The following XPO5 variants were observed in gnomAD, a reference collection of about 807,000 sequenced individuals.
XPO5 encodes the protein exportin 5.
A neutral mutation model predicts 160.6 loss-of-function variants in XPO5; 46 were observed. The observed-to-expected ratio is 0.29, with a 90% CI of 0.23 to 0.37. The LOEUF is 0.37. XPO5 is among the 10% of genes least tolerant of loss of function. XPO5 has a pLI of 1.00. For missense variants in XPO5, 1,090 were observed against 1,463.9 expected, an observed-to-expected ratio of 0.74 and a Z score of 4.17; for synonymous variants, 537 against 519.3, an observed-to-expected ratio of 1.03 and a Z score of -0.46.
chr6:43,539,384 A>G, intron 20 of XPO5: 2 of 1,578,994 alleles, frequency 1.3e-6, no homozygotes, highest in Non-Finnish European at 1.7e-6. Context: ...CATAATCTTC[A>G]AAACCTCATC....
intron 20 of XPO5, chr6:43,539,591 C>G: frequency 4.4e-6 from 6 of 1,372,570 alleles, no homozygotes; most frequent in Non-Finnish European, 6.1e-6. Flanking sequence ...TCCACGGCTG[C>G]GACCCCGGCC....
intron 20 of XPO5, among the ~76,000 whole-genome samples, chr6:43,545,900 T>A (rs1246302509): frequency 6.6e-6 from 1 of 152,200 alleles, no homozygotes; most frequent in African/African-American, 2.4e-5. Context: ...TCATGTGATC[T>A]AAAACAGTGA....
intron 12 of XPO5, 27 bp from the exon 13 acceptor site, chr6:43,555,991 G>A (rs1447595323): frequency 6.2e-7 from 1 of 1,611,818 alleles, no homozygotes; most frequent in African/African-American, 1.3e-5. Flanking sequence ...CCAAGGGAAG[G>A]ACAGGAATCA....
Position 43,547,670 on chromosome 6 carries a change from C to T in XPO5, c.2098G>A (p.Gly700Ser). The T allele has an allele frequency of 1.2e-6, 2 of 1,613,982 alleles. No individual in the cohort carries two copies. The highest frequency in any genetic ancestry group is 1.7e-6 in the Non-Finnish European group (2 of 1,179,880). The change falls in exon 19 of 32, where the codon GGT becomes AGT. Residue 700 changes from glycine (G) to serine (S), a missense_variant. Coordinates refer to ENST00000265351, the MANE Select transcript of XPO5 (RefSeq NM_020750.3). ...SDVDAFIAYV[G>S]TDQKSCDPGL... is the part of the protein sequence containing the mutation. Reference sequence around the variant, plus strand: ...GGGTCACAGCTCTTCTGATCTGTACCCACATACGCAATGAAAGCATCAACA... The same window carrying T: ...GGGTCACAGCTCTTCTGATCTGTACTCACATACGCAATGAAAGCATCAACA...
chr6:43,550,230 T>G (rs1312749372), intron 15 of XPO5, among the ~76,000 whole-genome samples: 1 of 152,222 alleles, frequency 6.6e-6, no homozygotes, highest in African/African-American at 2.4e-5. Context: ...TCTTCTTTTA[T>G]CAAAAGTTGT....
chr6:43,554,841 T>G (rs954398156), intron 13 of XPO5: 1 of 152,188 alleles, frequency 6.6e-6, no homozygotes, highest in African/African-American at 2.4e-5. Flanking sequence ...TCAGAGAATT[T>G]AGAGTCAATT....
At position 43,562,401 on chromosome 6, in the gene XPO5, A is replaced by G. The variant is rs1395141340; in HGVS notation, c.912-55T>C. The G allele has an allele frequency of 7.0e-6, 9 of 1,284,304 alleles. No individual in the cohort carries two copies. The African/African-American group carries it at 1.3e-4, about 19-fold the overall frequency. 79.6% of individuals were successfully genotyped at this position (1,284,304 alleles called of 1,614,324 possible). On this transcript the variant is annotated intron_variant, in intron 8 of 31. Transcript: ENST00000265351. ...ACAAAATTAAAAAGGCTGTAATAAA[A>G]ACATCACTTTGTGTCTCATTTCTCC...
chr6:43,563,079 C>T (rs957273555), intron 8 of XPO5, among the ~76,000 whole-genome samples: 8 of 151,188 alleles, frequency 5.3e-5, no homozygotes, highest in African/African-American at 2.0e-4. Flanking sequence ...ATATATAGTT[C>T]TGCCTGACTT....
At chr6:43,571,766 C>T (rs62402421) in intron 3 of XPO5, among the ~76,000 whole-genome samples, 8,508 of 151,488 alleles carry the variant, frequency 0.056, 345 homozygotes, top group Non-Finnish European at 0.077. Context: ...TATGATCATG[C>T]TAATGCAATC....
At position 43,524,475 on chromosome 6, in the gene XPO5, A is replaced by G; in HGVS notation, c.3473T>C (p.Ile1158Thr). 1.2e-6 allele frequency: 2 copies of G among 1,613,384 alleles called. No homozygotes were observed. Among genetic ancestry groups the G allele is most frequent in the Non-Finnish European group, 1.7e-6 (2 of 1,179,834 alleles). The stretch of plus-strand genomic sequence containing the variant: ...TATTGAAGGTGCATGACCTACCCCA[A>G]TGCAACCAGCAATGAGGCGTTTGAA... ...DQFKRLIAGCIGKPLGEQFRK... is the reference protein window; with the variant it reads ...DQFKRLIAGCTGKPLGEQFRK... Residue 1158 changes from isoleucine to threonine, a missense_variant, in exon 31 of 32, where the codon ATT becomes ACT. Physicochemically the swap from Ile to Thr is moderately conservative, Grantham distance 89. This residue lies in a region of XPO5 where 810 missense variants were observed against 1,139.0 expected (regional missense o/e 0.71). Transcript: ENST00000265351.
chr6:43,562,032 C>G, intron 9 of XPO5: 1 of 406,390 alleles, frequency 2.5e-6, no homozygotes, highest in Non-Finnish European at 4.4e-6. Context: ...GGATATCTGA[C>G]GTTGGTATAA....
intron 14 of XPO5, among the ~76,000 whole-genome samples, chr6:43,552,715 T>TA (rs1398987781): frequency 6.6e-6 from 1 of 152,210 alleles, no homozygotes; most frequent in Non-Finnish European, 1.5e-5. Flanking sequence ...TATTTCTCTA[T>TA]AATTTAGTAA....
intron 13 of XPO5, among the ~76,000 whole-genome samples, chr6:43,554,789 G>A (rs1761959405): frequency 6.6e-6 from 1 of 152,082 alleles, no homozygotes; most frequent in African/African-American, 2.4e-5. Context: ...TCATCTTAGT[G>A]CAACACATTT....
intron 10 of XPO5, 91 bp from the exon 11 acceptor site, chr6:43,560,394 A>C: frequency 7.0e-7 from 1 of 1,429,600 alleles, no homozygotes; most frequent in Non-Finnish European, 9.2e-7. Context: ...ATTTTTTCAT[A>C]GAAATAAATC....
chr6:43,567,459 T>C, intron 6 of XPO5, 105 bp from the exon 7 acceptor site: 1 of 1,049,356 alleles, frequency 9.5e-7, no homozygotes, highest in Non-Finnish European at 1.3e-6. Flanking sequence ...AAATTATTTT[T>C]TAAGAATATA....
intron 5 of XPO5, among the ~76,000 whole-genome samples, chr6:43,569,762 T>C (rs1223298951): frequency 2.0e-5 from 3 of 150,234 alleles, no homozygotes; most frequent in Non-Finnish European, 4.4e-5. Flanking sequence ...AGTATTTTCC[T>C]AAAGAACTTC....
chr6:43,539,485 C>T, intron 20 of XPO5: 1 of 1,576,032 alleles, frequency 6.3e-7, no homozygotes, highest in Non-Finnish European at 8.6e-7. Flanking sequence ...ACTTGATCTT[C>T]ATGTCCTTGA....
intron 23 of XPO5, chr6:43,529,689 G>A (rs1173434832): frequency 6.3e-6 from 1 of 159,692 alleles, no homozygotes; most frequent in Admixed American, 6.1e-5. Context: ...TGGAGGCTGA[G>A]GCAGGAGAAT....
At chr6:43,539,728 TACATTTTTCTATTCTTGGG>T in intron 20 of XPO5, 1 of 622,076 alleles carries the variant, frequency 1.6e-6, no homozygotes, top group Non-Finnish European at 2.8e-6. Context: ...GAGAAGAAGC[TACATTTTTCTATTCTTGGG>T]AATAGTTTGT....
Sources: gnomAD v4.1 joint callset for allele counts (sites outside exome capture counted in the v4.1 genomes callset) on GRCh38, gnomAD v4.1.1 for gene constraint, gnomAD v4.1.1 regional missense constraint, MANE v1.5 for transcripts, NCBI Gene and HGNC (gene_info 2026-07-23, HGNC 2026-07-21) for gene names.